Variants in PLXDC2 observed in about 807,000 individuals in gnomAD.
PLXDC2 encodes the protein plexin domain-containing protein 2.
A neutral mutation model predicts 68.9 loss-of-function variants in PLXDC2; 40 were observed. The ratio of observed to expected loss-of-function variants is 0.58; its 90% CI spans 0.45 to 0.76. The LOEUF (loss-of-function observed/expected upper bound fraction) is 0.76, where lower values mean the gene tolerates loss of function less well. Among genes scored for constraint, PLXDC2 ranks in the 30% least tolerant of loss-of-function variants. The probability of loss-of-function intolerance (pLI) is 0.00; values close to 1 mark genes in which losing one functional copy is unlikely to be tolerated. For missense variants in PLXDC2, 644 were observed against 661.9 expected (o/e 0.97, Z 0.30); for synonymous variants, 243 against 234.2 (o/e 1.04, Z -0.34).
Position 20,285,537 on chromosome 10 carries a change from C to A in PLXDC2, c.*5718C>A, listed in dbSNP as rs1836141861. The stretch of plus-strand genomic sequence containing the variant: ...GTTTGCCTGAAGAATGTGTCTGAAA[C>A]ATAATATATCACTGCATGTCTGTGC... On this transcript the variant is annotated 3_prime_UTR_variant, in exon 14 of 14. Coordinates refer to ENST00000377252, the MANE Select transcript of PLXDC2 (RefSeq NM_032812.9). 6.6e-6 allele frequency: 1 copy of A among 152,136 alleles called. No homozygotes were observed. 9.4% of individuals were successfully genotyped at this position (152,136 alleles called of 1,614,324 possible). A position where few individuals can be genotyped will look rare whatever the true frequency, so the allele number is the denominator to read the frequency against.
chr10:19,920,812 C>G (rs1833449087), intron 1 of PLXDC2, among the ~76,000 whole-genome samples: 1 of 152,206 alleles, frequency 6.6e-6, no homozygotes, highest in Non-Finnish European at 1.5e-5. Flanking sequence ...CTGGCCTAAT[C>G]CTCCCTAAGT....
intron 3 of PLXDC2, among the ~76,000 whole-genome samples, chr10:20,052,722 CA>C (rs59776582): frequency 0.05 from 4,617 of 92,776 alleles, 172 homozygotes; most frequent in African/African-American, 0.15. Flanking sequence ...ACAAATTATG[CA>C]AAAAAAAAAA....
chr10:19,847,480 A>C (rs913761842), intron 1 of PLXDC2, among the ~76,000 whole-genome samples: 3 of 152,194 alleles, frequency 2.0e-5, no homozygotes, highest in African/African-American at 7.2e-5. Context: ...CGGTTGCCCA[A>C]GTGTGGAGAT....
intron 4 of PLXDC2, among the ~76,000 whole-genome samples, chr10:20,140,405 A>AATATT (rs201306989): frequency 1.6e-4 from 2 of 12,534 alleles, no homozygotes; most frequent in Non-Finnish European, 6.1e-4. Flanking sequence ...TATATATAAA[A>AATATT]TATCTATCTA....
At chr10:20,051,034 C>G (rs1053296664) in intron 3 of PLXDC2, among the ~76,000 whole-genome samples, 2 of 152,050 alleles carry the variant, frequency 1.3e-5, no homozygotes, top group Non-Finnish European at 2.9e-5. Flanking sequence ...TACATATACA[C>G]TATGGAATAC....
intron 2 of PLXDC2, among the ~76,000 whole-genome samples, chr10:20,005,760 G>C (rs570767222): frequency 6.6e-6 from 1 of 152,290 alleles, no homozygotes; most frequent in South Asian, 2.1e-4. Flanking sequence ...AGCCATTCAT[G>C]AGGGATCTGC....
chr10:20,152,129 TATTGTC>T (rs1335084469), intron 6 of PLXDC2, among the ~76,000 whole-genome samples: 5 of 152,060 alleles, frequency 3.3e-5, no homozygotes, highest in Admixed American at 3.3e-4. Context: ...ATGCTGCAAA[TATTGTC>T]ATTTCTTCAA....
rs761634721 is a variant in PLXDC2 at position 20,164,547 on chromosome 10, A to G, written c.863A>G (p.His288Arg). The G allele has an allele frequency of 1.2e-6, 2 of 1,612,302 alleles. No individual in the cohort carries two copies. The highest frequency in any genetic ancestry group is 1.7e-6 in the Non-Finnish European group (2 of 1,178,594). ...VGLSDAFVVV[H>R]RIQQIPNVRR... ...CTGTCCGATGCATTTGTCGTTGTCC[A>G]CAGGATCCAACAAATTCCCAGTACG... is the stretch of plus-strand genomic sequence containing the variant. The change falls in exon 7 of 14, where the codon CAC becomes CGC. Residue 288 changes from histidine (H) to arginine (R), a missense_variant. His to Arg is a conservative substitution (Grantham distance 29). Transcript: ENST00000377252.
At chr10:20,149,436 T>C (rs1343635673) in intron 6 of PLXDC2, among the ~76,000 whole-genome samples, 1 of 151,696 alleles carries the variant, frequency 6.6e-6, no homozygotes. Flanking sequence ...ACGGGGTTTC[T>C]CCATGTTGAT....
intron 4 of PLXDC2, among the ~76,000 whole-genome samples, chr10:20,104,690 G>C (rs539117921): frequency 2.4e-4 from 37 of 151,970 alleles, no homozygotes; most frequent in Non-Finnish European, 3.7e-4. Flanking sequence ...TTGTTAAATG[G>C]GGGGAGAAAA....
At chr10:19,953,513 A>G (rs72789622) in intron 1 of PLXDC2, among the ~76,000 whole-genome samples, 20,676 of 152,240 alleles carry the variant, frequency 0.14, 1,780 homozygotes, top group South Asian at 0.29. Context: ...TTTGAACAAT[A>G]AAACAGAAAC....
chr10:20,064,954 C>T (rs1836179031), intron 3 of PLXDC2, among the ~76,000 whole-genome samples: 1 of 151,912 alleles, frequency 6.6e-6, no homozygotes, highest in African/African-American at 2.4e-5. Flanking sequence ...GACTGAGGCC[C>T]AACTGGCTAT....
intron 10 of PLXDC2, among the ~76,000 whole-genome samples, chr10:20,215,745 T>A (rs1034859436): frequency 6.6e-6 from 1 of 152,130 alleles, no homozygotes; most frequent in Admixed American, 6.5e-5. Flanking sequence ...AAAGAATAGG[T>A]CAGCCCAGAG....
intron 4 of PLXDC2, among the ~76,000 whole-genome samples, chr10:20,086,573 G>A (rs1245957045): frequency 6.6e-6 from 1 of 151,964 alleles, no homozygotes; most frequent in Admixed American, 6.6e-5. Flanking sequence ...ATGGGTTTAC[G>A]GGCGCCTCTC....
chr10:20,140,178 T>A (rs2131786908), intron 4 of PLXDC2, among the ~76,000 whole-genome samples: 1 of 152,072 alleles, frequency 6.6e-6, no homozygotes, highest in African/African-American at 2.4e-5. Flanking sequence ...AGGGCGCCTG[T>A]AGTCTCAGCT....
chr10:20,008,330 G>A (rs2358655), intron 2 of PLXDC2, among the ~76,000 whole-genome samples: 24,166 of 152,118 alleles, frequency 0.16, 2,383 homozygotes, highest in Non-Finnish European at 0.22. Context: ...CGAGGCAGGT[G>A]GACCACTTGA....
intron 9 of PLXDC2, among the ~76,000 whole-genome samples, chr10:20,181,573 C>T (rs1040558348): frequency 6.6e-6 from 1 of 151,944 alleles, no homozygotes; most frequent in Non-Finnish European, 1.5e-5. Context: ...GCAGCTACAG[C>T]GAAGTGAAAG....
intron 13 of PLXDC2, among the ~76,000 whole-genome samples, chr10:20,258,120 G>A (rs943349679): frequency 4.8e-5 from 7 of 147,048 alleles, no homozygotes; most frequent in African/African-American, 7.6e-5. Context: ...TCCTGCCTCC[G>A]CCTCTCCAGT....
At chr10:20,235,034 G>A (rs1194863071) in intron 12 of PLXDC2, among the ~76,000 whole-genome samples, 1 of 152,186 alleles carries the variant, frequency 6.6e-6, no homozygotes, top group African/African-American at 2.4e-5. Context: ...ATCTTATTTA[G>A]ATAGGCTACT....
Sources: allele counts gnomAD v4.1 joint callset (sites outside exome capture counted in the v4.1 genomes callset), GRCh38; gene constraint gnomAD v4.1.1; transcripts MANE v1.5; gene names NCBI Gene and HGNC (gene_info 2026-07-23, HGNC 2026-07-21).